Variants in NEK1 observed in about 807,000 individuals in gnomAD.
The protein encoded by NEK1 is NIMA related kinase 1, also known as serine/threonine-protein kinase Nek1.
Under a neutral mutation model 182.1 loss-of-function variants are expected in NEK1, and 137 were observed. The observed-to-expected ratio is 0.75, with a 90% CI of 0.65 to 0.87. NEK1 has a LOEUF of 0.87. Ranked by LOEUF, NEK1 falls within the 40% of genes least tolerant of loss-of-function variation. The pLI is 0.00. For synonymous variants in NEK1, 513 were observed against 492.2 expected (o/e 1.04, Z -0.56); for missense variants, 1,391 against 1,494.4 (o/e 0.93, Z 1.14).
chr4:169,557,526 TA>T (rs11402301), intron 16 of NEK1, among the ~76,000 whole-genome samples: 1 of 151,942 alleles, frequency 6.6e-6, no homozygotes, highest in Admixed American at 6.6e-5. Context: ...TGGAAGCCTT[TA>T]AAAAAACCAT....
At chr4:169,446,231 A>G (rs1205585169) in intron 27 of NEK1, among the ~76,000 whole-genome samples, 1 of 152,134 alleles carries the variant, frequency 6.6e-6, no homozygotes, top group Admixed American at 6.5e-5. Flanking sequence ...ACACTAAAAA[A>G]ATCAACAAAA....
At chr4:169,442,108 C>T (rs1739572240) in intron 27 of NEK1, among the ~76,000 whole-genome samples, 1 of 152,172 alleles carries the variant, frequency 6.6e-6, no homozygotes, top group Admixed American at 6.5e-5. Flanking sequence ...ACCACTGCTA[C>T]TGCTGGCACC....
At chr4:169,564,675 C>G (rs1371965294) in intron 12 of NEK1, among the ~76,000 whole-genome samples, 2 of 152,040 alleles carry the variant, frequency 1.3e-5, no homozygotes, top group African/African-American at 4.8e-5. Context: ...CTTTAGAAAG[C>G]AATGGTATAA....
rs778297322 is a variant in NEK1, at chr4:169,580,824, A to G, written c.868+18T>C. On this transcript the variant is annotated intron_variant, in intron 11 of 35. Coordinates refer to ENST00000507142, the MANE Select transcript of NEK1 (RefSeq NM_001199397.3). ...TTATTGCAAACAGATGAAAGGCTTC[A>G]TATCAGATTTCATTTACCTGGTATA... The G allele has an allele frequency of 6.2e-6, 9 of 1,455,606 alleles. No homozygotes were observed. Among genetic ancestry groups the G allele is most frequent in the African/African-American group, 1.4e-5 (1 of 71,128 alleles). 90.2% of individuals were successfully genotyped at this position (1,455,606 alleles called of 1,614,324 possible). A position where few individuals can be genotyped will look rare whatever the true frequency, so the allele number is the denominator to read the frequency against.
At chr4:169,483,185 G>C (rs554143331) in intron 23 of NEK1, among the ~76,000 whole-genome samples, 1 of 152,064 alleles carries the variant, frequency 6.6e-6, no homozygotes, top group Non-Finnish European at 1.5e-5. Context: ...AGTGAGACAG[G>C]GGAACTACCA....
At chr4:169,542,268 T>C (rs886921552) in intron 18 of NEK1, among the ~76,000 whole-genome samples, 1 of 152,132 alleles carries the variant, frequency 6.6e-6, no homozygotes, top group African/African-American at 2.4e-5. Flanking sequence ...TGGTGTTTGG[T>C]TGTCTGTTCT....
At chr4:169,434,380 T>G (rs1319536630) in intron 28 of NEK1, among the ~76,000 whole-genome samples, 1 of 151,782 alleles carries the variant, frequency 6.6e-6, no homozygotes, top group Non-Finnish European at 1.5e-5. Context: ...ACCAGGCTAA[T>G]TTTTGTATTT....
At chr4:169,605,137 G>A (rs762970094) in intron 2 of NEK1, among the ~76,000 whole-genome samples, 5 of 151,970 alleles carry the variant, frequency 3.3e-5, no homozygotes, top group Admixed American at 2.0e-4. Flanking sequence ...ATTATTCTGC[G>A]ACTTTCTGCC....
At chr4:169,408,708 T>C (rs1294424484) in intron 31 of NEK1, among the ~76,000 whole-genome samples, 1 of 152,188 alleles carries the variant, frequency 6.6e-6, no homozygotes, top group Non-Finnish European at 1.5e-5. Context: ...CACTTATCAA[T>C]GAGAACATAC....
chr4:169,580,224 C>T (rs575612061), intron 11 of NEK1, among the ~76,000 whole-genome samples: 19 of 151,924 alleles, frequency 1.3e-4, no homozygotes, highest in Non-Finnish European at 2.4e-4. Context: ...CAACTGGGTG[C>T]GGTGGCTCAC....
At chr4:169,417,945 A>C (rs1734817451) in intron 31 of NEK1, among the ~76,000 whole-genome samples, 1 of 152,076 alleles carries the variant, frequency 6.6e-6, no homozygotes. Context: ...GAAAAGAGAG[A>C]TTCATTAAAA....
intron 19 of NEK1, among the ~76,000 whole-genome samples, chr4:169,532,091 C>T (rs183796644): frequency 1.6e-3 from 238 of 152,116 alleles, no homozygotes; most frequent in Middle Eastern, 0.014. Flanking sequence ...CGGCTGATGG[C>T]GGTGAGTAGG....
intron 12 of NEK1, among the ~76,000 whole-genome samples, chr4:169,573,303 C>A (rs1229913274): frequency 1.3e-5 from 2 of 152,036 alleles, no homozygotes; most frequent in Non-Finnish European, 2.9e-5. Flanking sequence ...AAATATTGGT[C>A]CTTGTGAAAA....
In NEK1 at chr4:169,415,319, T is replaced by C. The variant is rs571785114; in HGVS notation, c.3223-8572A>G. ...TCATCTACTGTATTTACAGTAGAAG[T>C]AGTACTGAAGTTATCATAGGTTACA... is the stretch of plus-strand genomic sequence containing the variant. On this transcript the variant is annotated intron_variant, in intron 31 of 35. Transcript: ENST00000507142. Among the ~76,000 whole-genome samples, 4 of 152,342 alleles carry C rather than the reference T, an allele frequency of 2.6e-5. No individual in the cohort carries two copies. In the East Asian group the frequency reaches 5.8e-4, roughly 22 times the overall value.
chr4:169,557,077 T>C (rs766155662), intron 16 of NEK1, among the ~76,000 whole-genome samples: 12 of 152,024 alleles, frequency 7.9e-5, no homozygotes, highest in Non-Finnish European at 1.6e-4. Context: ...CAGTAGTATA[T>C]CAACAGAGTT....
chr4:169,457,144 T>A (rs1579815209), intron 27 of NEK1, among the ~76,000 whole-genome samples: 1 of 152,128 alleles, frequency 6.6e-6, no homozygotes, highest in South Asian at 2.1e-4. Flanking sequence ...CAGTATTTGA[T>A]AGCACAACTA....
chr4:169,444,354 C>A (rs571853252), intron 27 of NEK1, among the ~76,000 whole-genome samples: 81 of 151,540 alleles, frequency 5.3e-4, no homozygotes, highest in Non-Finnish European at 1.0e-3. Context: ...AAAAAATGAC[C>A]AAACTACATG....
chr4:169,498,348 C>T (rs985656558), intron 23 of NEK1, among the ~76,000 whole-genome samples: 15 of 152,148 alleles, frequency 9.9e-5, no homozygotes, highest in Admixed American at 2.6e-4. Context: ...CGGATCTTGA[C>T]TCTTTATCCA....
chr4:169,408,187 C>T (rs1434713696), intron 31 of NEK1, among the ~76,000 whole-genome samples: 1 of 152,218 alleles, frequency 6.6e-6, no homozygotes, highest in East Asian at 1.9e-4. Flanking sequence ...ATTTTTTAGG[C>T]TGAGATAAAT....
Sources: gnomAD v4.1 joint callset for allele counts (sites outside exome capture counted in the v4.1 genomes callset) on GRCh38, gnomAD v4.1.1 for gene constraint, MANE v1.5 for transcripts, NCBI Gene and HGNC (gene_info 2026-07-23, HGNC 2026-07-21) for gene names.